The following ADK variants were observed in gnomAD, a reference collection of about 807,000 sequenced individuals.
ADK encodes adenosine kinase, also known as N6,N6-dimethyladenosine kinase.
Under a neutral mutation model 44.7 loss-of-function variants are expected in ADK, and 24 were observed. The ratio of observed to expected loss-of-function variants is 0.54; its 90% confidence interval spans 0.39 to 0.76. The LOEUF is 0.76. Among genes scored for constraint, ADK ranks in the 30% least tolerant of loss-of-function variants. ADK has a pLI of 0.00. For synonymous variants in ADK, 128 were observed against 142.6 expected, an observed-to-expected ratio of 0.90 and a Z score of 0.73; for missense variants, 321 against 425.1, an observed-to-expected ratio of 0.76 and a Z score of 2.15.
At chr10:74,239,345 T>C (rs1040010679) in intron 3 of ADK, among the ~76,000 whole-genome samples, 1 of 152,142 alleles carries the variant, frequency 6.6e-6, no homozygotes, top group African/African-American at 2.4e-5. Flanking sequence ...AGATGAAAAG[T>C]ATTATCTCTT....
At chr10:74,356,603 A>G (rs1281080366) in intron 4 of ADK, among the ~76,000 whole-genome samples, 1 of 152,202 alleles carries the variant, frequency 6.6e-6, no homozygotes, top group Non-Finnish European at 1.5e-5. Context: ...TACCAAGAGA[A>G]TAAAAAACAC....
At chr10:74,228,367 A>G (rs1844628792) in intron 3 of ADK, among the ~76,000 whole-genome samples, 1 of 152,238 alleles carries the variant, frequency 6.6e-6, no homozygotes, top group Non-Finnish European at 1.5e-5. Flanking sequence ...ATCTAAAACT[A>G]TAGGATTTAT....
intron 1 of ADK, among the ~76,000 whole-genome samples, chr10:74,198,967 A>T (rs1239418992): frequency 6.6e-6 from 1 of 152,232 alleles, no homozygotes; most frequent in Non-Finnish European, 1.5e-5. Context: ...AACATAAGAC[A>T]TGAATAAAAG....
chr10:74,590,570 G>T (rs1589277114), intron 8 of ADK, among the ~76,000 whole-genome samples: 1 of 152,134 alleles, frequency 6.6e-6, no homozygotes, highest in East Asian at 1.9e-4. Context: ...CTACTCCAGA[G>T]TAGGGAAACT....
chr10:74,653,530 A>T (rs1168561115), intron 9 of ADK, among the ~76,000 whole-genome samples: 1 of 152,128 alleles, frequency 6.6e-6, no homozygotes, highest in East Asian at 1.9e-4. Flanking sequence ...CTGGTGCTGC[A>T]GCTTCTATTC....
At chr10:74,376,433 T>C (rs536191839) in intron 4 of ADK, among the ~76,000 whole-genome samples, 4 of 152,192 alleles carry the variant, frequency 2.6e-5, no homozygotes, top group African/African-American at 9.6e-5. Flanking sequence ...GAAAGAATAG[T>C]AGGTATAATG....
chr10:74,271,443 G>A (rs751850817), intron 3 of ADK, among the ~76,000 whole-genome samples: 46 of 150,954 alleles, frequency 3.0e-4, no homozygotes, highest in Admixed American at 9.9e-4. Context: ...TTAAGTTTTA[G>A]GGTACATGTG....
At chr10:74,680,142 G>A (rs1275302043) in intron 10 of ADK, among the ~76,000 whole-genome samples, 19 of 151,624 alleles carry the variant, frequency 1.3e-4, no homozygotes, top group East Asian at 3.9e-4. Context: ...GTGAAACCCC[G>A]TCTCTACTAA....
intron 9 of ADK, among the ~76,000 whole-genome samples, chr10:74,640,742 T>G (rs4746213): frequency 0.018 from 2,667 of 152,324 alleles, 70 homozygotes; most frequent in African/African-American, 0.061. Context: ...GTGGCTGTAT[T>G]CCAATAAAAC....
intron 3 of ADK, among the ~76,000 whole-genome samples, chr10:74,306,734 G>A (rs567875328): frequency 1.4e-4 from 21 of 152,278 alleles, no homozygotes; most frequent in Non-Finnish European, 2.1e-4. Context: ...TGACAGTTCA[G>A]TTGAGCCTGT....
intron 3 of ADK, among the ~76,000 whole-genome samples, chr10:74,300,352 TTCCTTC>T (rs1839985815): frequency 1.4e-5 from 1 of 73,054 alleles, no homozygotes; most frequent in East Asian, 2.7e-4. Flanking sequence ...CCTTCCTTCC[TTCCTTC>T]CTTTCTTTCT....
chr10:74,635,999 G>C (rs1047887720), intron 9 of ADK, among the ~76,000 whole-genome samples: 3 of 151,904 alleles, frequency 2.0e-5, no homozygotes, highest in Non-Finnish European at 2.9e-5. Context: ...GAGGCAAGGA[G>C]GTTCGTGGAG....
chr10:74,592,463 A>G (rs1851757265), intron 8 of ADK, among the ~76,000 whole-genome samples: 1 of 152,152 alleles, frequency 6.6e-6, no homozygotes, highest in Non-Finnish European at 1.5e-5. Context: ...ACCTAAATAT[A>G]TATATTCTCT....
chr10:74,511,804 C>T (rs1032459369), intron 6 of ADK, among the ~76,000 whole-genome samples: 1 of 152,024 alleles, frequency 6.6e-6, no homozygotes, highest in African/African-American at 2.4e-5. Context: ...CTTTCTCTTG[C>T]CTAATTGCTG....
intron 3 of ADK, among the ~76,000 whole-genome samples, chr10:74,304,908 A>G (rs1341015773): frequency 6.6e-6 from 1 of 152,214 alleles, no homozygotes; most frequent in African/African-American, 2.4e-5. Context: ...GAGGAAACCT[A>G]ATCTCGGAGA....
At chr10:74,523,858 A>G (rs16931474) in intron 6 of ADK, among the ~76,000 whole-genome samples, 3,754 of 152,260 alleles carry the variant, frequency 0.025, 136 homozygotes, top group African/African-American at 0.074. Flanking sequence ...AAATGTAGAC[A>G]TTTATTAACT....
intron 7 of ADK, among the ~76,000 whole-genome samples, chr10:74,562,741 G>T (rs1363651133): frequency 6.6e-6 from 1 of 152,112 alleles, no homozygotes; most frequent in Non-Finnish European, 1.5e-5. Context: ...TTTTAATATA[G>T]TACATGTGCT....
Position 74,200,772 on chromosome 10 carries a change from T to C in ADK, c.74T>C (p.Ile25Thr). 5.0e-6 allele frequency: 8 copies of C among 1,609,472 alleles called. No individual in the cohort carries two copies. The highest frequency in any genetic ancestry group is 1.7e-4 in the Middle Eastern group (1 of 6,054). The change falls in exon 2 of 11, where the codon ATT (isoleucine) becomes ACT (threonine). Residue 25 changes from isoleucine (I) to threonine (T), a missense_variant. Ile to Thr is a moderately conservative substitution (Grantham distance 89). Coordinates refer to ENST00000539909, the MANE Select transcript of ADK (RefSeq NM_006721.4). ...GTTTTGTGTTTTTTTAGAGAAAATA[T>C]TCTCTTTGGAATGGGAAATCCTCTG... ...VEAPQALREN[I>T]LFGMGNPLLD... is the part of the protein sequence containing the mutation.
chr10:74,484,275 G>A (rs1289009250), intron 6 of ADK, among the ~76,000 whole-genome samples: 2 of 152,060 alleles, frequency 1.3e-5, no homozygotes, highest in Non-Finnish European at 2.9e-5. Flanking sequence ...AGAGGGAGGT[G>A]CTACACACTG....
Sources: gnomAD v4.1 joint callset for allele counts (sites outside exome capture counted in the v4.1 genomes callset) on GRCh38, gnomAD v4.1.1 for gene constraint, MANE v1.5 for transcripts, NCBI Gene and HGNC (gene_info 2026-07-23, HGNC 2026-07-21) for gene names.